The following GAB2 variants were observed in gnomAD, a reference collection of about 807,000 sequenced individuals.
The protein encoded by GAB2 is GRB2-associated-binding protein 2.
GAB2 carries 26 observed loss-of-function variants against 65.5 expected under a neutral mutation model. That is an observed-to-expected ratio of 0.40 (90% CI 0.29 to 0.55). The LOEUF is 0.55. Among genes scored for constraint, GAB2 ranks in the 20% least tolerant of loss-of-function variants. The pLI, the probability that GAB2 is intolerant of heterozygous loss-of-function variation, is 0.53. For missense variants in GAB2, 884 were observed against 875.8 expected, an observed-to-expected ratio of 1.01 and a Z score of -0.12; for synonymous variants, 321 against 329.6, an observed-to-expected ratio of 0.97 and a Z score of 0.28.
intron 1 of GAB2, among the ~76,000 whole-genome samples, chr11:78,359,285 A>G (rs1353679783): frequency 6.6e-6 from 1 of 152,220 alleles, no homozygotes; most frequent in Non-Finnish European, 1.5e-5. Context: ...TAGAAACCAC[A>G]TATGGTAATG....
At chr11:78,360,555 C>A (rs1199722130) in intron 1 of GAB2, among the ~76,000 whole-genome samples, 2 of 152,118 alleles carry the variant, frequency 1.3e-5, no homozygotes, top group Admixed American at 1.3e-4. Context: ...AACATAAACT[C>A]AGTAAAAACA....
In GAB2 at chr11:78,250,177, G is replaced by A. The variant is rs1436560403; in HGVS notation, c.600C>T (p.Ser200=). ...QEYLYLHQCI[S]RRAENARSAS... is the part of the protein sequence containing the mutation. ...CCTACCTTGCATTTTCTGCTCTTCG[G>A]CTTATGCACTGGTGCAAGTAGAGAT... The change falls in exon 3 of 10, where the codon AGC becomes AGT. Residue 200 remains serine, a synonymous_variant. Coordinates refer to ENST00000361507, the MANE Select transcript of GAB2 (RefSeq NM_080491.3). The A allele has an allele frequency of 1.2e-6, 2 of 1,612,880 alleles. No individual in the cohort carries two copies. The highest frequency in any genetic ancestry group is 2.7e-5 in the African/African-American group (2 of 74,550).
intron 3 of GAB2, among the ~76,000 whole-genome samples, chr11:78,240,860 G>C (rs1031413405): frequency 2.0e-5 from 3 of 152,182 alleles, no homozygotes; most frequent in Non-Finnish European, 2.9e-5. Context: ...TCCTGGCCCG[G>C]AGGGCAGTCC....
chr11:78,360,179 G>A (rs1565172904), intron 1 of GAB2, among the ~76,000 whole-genome samples: 3 of 152,140 alleles, frequency 2.0e-5, no homozygotes. Flanking sequence ...ACACAGCGCT[G>A]TAACACCTGG....
intron 1 of GAB2, among the ~76,000 whole-genome samples, chr11:78,403,047 T>C (rs1215743274): frequency 1.3e-5 from 2 of 152,320 alleles, no homozygotes; most frequent in African/African-American, 4.8e-5. Flanking sequence ...ACATTGTCTA[T>C]GAGGAAGTGG....
chr11:78,288,353 T>C (rs1013011653), intron 1 of GAB2, among the ~76,000 whole-genome samples: 10 of 126,478 alleles, frequency 7.9e-5, no homozygotes, highest in Non-Finnish European at 9.4e-5. Context: ...CACTCCAGCC[T>C]GGGCAACAGA....
rs141078106 is a variant in GAB2 at position 78,218,294 on chromosome 11, A to G, written c.*978T>C. 1,596 of 151,156 alleles carry G rather than the reference A, an allele frequency of 0.011. 24 individuals are homozygous for G. Among genetic ancestry groups the G allele is most frequent in the African/African-American group, 0.038 (1,533 of 40,654 alleles). 9.4% of individuals were successfully genotyped at this position (151,156 alleles called of 1,614,324 possible). On this transcript the variant is annotated 3_prime_UTR_variant, in exon 10 of 10. Transcript: ENST00000361507. ...CCTGCATCACCCCCATCCACACCAC[A>G]CTCCCTCCCATATTCCCCACCCCTT...
intron 1 of GAB2, among the ~76,000 whole-genome samples, chr11:78,365,401 G>C (rs1856483602): frequency 6.6e-6 from 1 of 152,150 alleles, no homozygotes; most frequent in African/African-American, 2.4e-5. Context: ...ATGCTAATTA[G>C]ATTTCCTCCA....
At chr11:78,313,499 C>G (rs566674176) in intron 1 of GAB2, among the ~76,000 whole-genome samples, 1 of 152,110 alleles carries the variant, frequency 6.6e-6, no homozygotes, top group Non-Finnish European at 1.5e-5. Context: ...GGACATAGAA[C>G]TCTGGTATTG....
At chr11:78,312,604 G>C (rs890121062) in intron 1 of GAB2, among the ~76,000 whole-genome samples, 5 of 151,604 alleles carry the variant, frequency 3.3e-5, no homozygotes. Context: ...TTTTTTTGTA[G>C]TTTTAGTAGA....
At chr11:78,324,204 A>C (rs1855782625) in intron 1 of GAB2, among the ~76,000 whole-genome samples, 1 of 152,136 alleles carries the variant, frequency 6.6e-6, no homozygotes, top group African/African-American at 2.4e-5. Context: ...ACAGAATTCT[A>C]CAAGTATATC....
chr11:78,369,995 C>T (rs1591069927), intron 1 of GAB2, among the ~76,000 whole-genome samples: 2 of 152,216 alleles, frequency 1.3e-5, no homozygotes, highest in South Asian at 2.1e-4. Context: ...CGGTGGCTCA[C>T]GCCTGTAATC....
rs1477988479 is a variant in GAB2, at chr11:78,363,806, G to C, written c.75+53840C>G. On this transcript the variant is annotated intron_variant, in intron 1 of 9. Transcript: ENST00000361507. The stretch of plus-strand genomic sequence containing the variant: ...TTGCCACGTTGCCTAGACTGGTCTC[G>C]AATTTCCAAGCACAAAATCCACCCA... Among the ~76,000 whole-genome samples the C allele has an allele frequency of 2.6e-5, 4 of 151,814 alleles. No individual in the cohort carries two copies. The East Asian group carries it at 5.8e-4, about 22-fold the overall frequency.
chr11:78,383,416 A>G (rs1856722245), intron 1 of GAB2, among the ~76,000 whole-genome samples: 1 of 151,804 alleles, frequency 6.6e-6, no homozygotes, highest in African/African-American at 2.4e-5. Context: ...AAGGAATGGC[A>G]TAGCTACGAC....
intron 3 of GAB2, among the ~76,000 whole-genome samples, chr11:78,231,652 C>T (rs1864857236): frequency 6.6e-6 from 1 of 152,168 alleles, no homozygotes; most frequent in Admixed American, 6.5e-5. Context: ...CCGGCCTTCC[C>T]TTGGCTTTTA....
chr11:78,340,579 C>T (rs1256979516), intron 1 of GAB2, among the ~76,000 whole-genome samples: 4 of 148,968 alleles, frequency 2.7e-5, no homozygotes, highest in African/African-American at 1.0e-4. Context: ...TCTGTCTCAT[C>T]TGGGAACCCT....
chr11:78,309,948 G>T (rs2134641194), intron 1 of GAB2, among the ~76,000 whole-genome samples: 1 of 139,260 alleles, frequency 7.2e-6, no homozygotes, highest in African/African-American at 3.3e-5. Flanking sequence ...GTGTGTGTGT[G>T]TGTGTGTGTG....
chr11:78,316,593 C>G (rs1260301226), intron 1 of GAB2, among the ~76,000 whole-genome samples: 2 of 152,152 alleles, frequency 1.3e-5, no homozygotes, highest in African/African-American at 2.4e-5. Flanking sequence ...CAATGAAATA[C>G]TACCTTGCAC....
chr11:78,331,100 G>A (rs571110266), intron 1 of GAB2, among the ~76,000 whole-genome samples: 30 of 152,016 alleles, frequency 2.0e-4, no homozygotes, highest in Non-Finnish European at 3.5e-4. Flanking sequence ...GCATGAACCC[G>A]GGAGGTGGAG....
Sources: gnomAD v4.1 joint callset for allele counts (sites outside exome capture counted in the v4.1 genomes callset) on GRCh38, gnomAD v4.1.1 for gene constraint, MANE v1.5 for transcripts, NCBI Gene and HGNC (gene_info 2026-07-23, HGNC 2026-07-21) for gene names.